The following COL22A1 variants were observed in gnomAD, a reference collection of about 807,000 sequenced individuals.
COL22A1 encodes the protein collagen alpha-1(XXII) chain.
Under a neutral mutation model 248.9 loss-of-function variants are expected in COL22A1, and 221 were observed. The ratio of observed to expected loss-of-function variants is 0.89; its 90% confidence interval spans 0.80 to 0.99. COL22A1 has a LOEUF of 0.99. Ranked by LOEUF, COL22A1 falls within the 50% of genes least tolerant of loss-of-function variation. The pLI is 0.00. For missense variants in COL22A1, 2,240 were observed against 2,179.0 expected (o/e 1.03, Z -0.56); for synonymous variants, 891 against 793.4 (o/e 1.12, Z -2.07).
At chr8:138,798,141 G>A (rs1321322727) in intron 11 of COL22A1, among the ~76,000 whole-genome samples, 1 of 147,804 alleles carries the variant, frequency 6.8e-6, no homozygotes, top group East Asian at 2.0e-4. Flanking sequence ...CAAATTTGTT[G>A]TTGTACAAAT....
At chr8:138,827,081 C>T (rs761633214) in intron 5 of COL22A1, 3 of 369,176 alleles carry the variant, frequency 8.1e-6, no homozygotes, top group South Asian at 3.1e-5. Flanking sequence ...ACAGTAAACG[C>T]TAAATGGTCA....
intron 39 of COL22A1, among the ~76,000 whole-genome samples, chr8:138,680,021 G>A (rs559463371): frequency 3.2e-4 from 49 of 152,238 alleles, no homozygotes; most frequent in Non-Finnish European, 5.0e-4. Context: ...GTCTGTTTAC[G>A]GTCCACTGTG....
At position 138,801,881 on chromosome 8, in the gene COL22A1, A is replaced by C. The variant is rs923390927; in HGVS notation, c.1557+991T>G. ...GGTGACAAGAGCAAGACTTTATCTC[A>C]AAAAAAAAAGGAAAGAAAGAAACCT... On this transcript the variant is annotated intron_variant, in intron 11 of 64. Transcript: ENST00000303045. Among the ~76,000 whole-genome samples, 7 of 76,438 alleles carry C rather than the reference A, an allele frequency of 9.2e-5. No individual in the cohort carries two copies. In the East Asian group the frequency reaches 1.3e-3, roughly 14 times the overall value. 50.1% of individuals were successfully genotyped at this position (76,438 alleles called of 152,430 possible).
chr8:138,868,575 TAATA>T (rs1034101271), intron 3 of COL22A1, among the ~76,000 whole-genome samples: 1 of 152,136 alleles, frequency 6.6e-6, no homozygotes, highest in Non-Finnish European at 1.5e-5. Context: ...TATATGTACA[TAATA>T]AATACACACT....
At chr8:138,621,972 T>C (rs1819845061) in intron 52 of COL22A1, among the ~76,000 whole-genome samples, 1 of 152,200 alleles carries the variant, frequency 6.6e-6, no homozygotes, top group South Asian at 2.1e-4. Context: ...TTTCTTTTGC[T>C]CTCAGCAATG....
chr8:138,889,944 G>C (rs1458385405), intron 1 of COL22A1, among the ~76,000 whole-genome samples: 1 of 152,100 alleles, frequency 6.6e-6, no homozygotes, highest in Non-Finnish European at 1.5e-5. Context: ...CAGAACTAAA[G>C]ACCAATATCC....
At chr8:138,904,361 G>A (rs891147863) in intron 1 of COL22A1, among the ~76,000 whole-genome samples, 2 of 151,072 alleles carry the variant, frequency 1.3e-5, no homozygotes, top group Non-Finnish European at 1.5e-5. Context: ...CTTACCACCC[G>A]CCACCCCCTG....
chr8:138,849,155 G>T (rs6984777), intron 3 of COL22A1, among the ~76,000 whole-genome samples: 2 of 152,184 alleles, frequency 1.3e-5, no homozygotes, highest in Non-Finnish European at 2.9e-5. Flanking sequence ...CAAGGATCAT[G>T]TTCATAAGGA....
In COL22A1 at chr8:138,811,791, G is replaced by T. The variant is rs771793100; in HGVS notation, c.1449+8C>A. The T allele has an allele frequency of 1.2e-5, 18 of 1,495,776 alleles. No homozygotes were observed. The highest frequency in any genetic ancestry group is 1.5e-5 in the Non-Finnish European group (17 of 1,106,318). 92.7% of individuals were successfully genotyped at this position (1,495,776 alleles called of 1,614,324 possible). A position where few individuals can be genotyped will look rare whatever the true frequency, so the allele number is the denominator to read the frequency against. On this transcript the variant is annotated splice_region_variant and intron_variant, in intron 9 of 64. Coordinates refer to ENST00000303045, the MANE Select transcript of COL22A1 (RefSeq NM_152888.3). ...CTGCTGGGGCTGAAGGTGGACTGCA[G>T]ACAATACCTTCTCTCCAGCTGGGCA...
At chr8:138,630,656 G>C in intron 50 of COL22A1, 39 bp downstream of exon 50, 1 of 1,588,888 alleles carries the variant, frequency 6.3e-7, no homozygotes, top group Non-Finnish European at 8.6e-7. Flanking sequence ...AAAGGCTAAA[G>C]ACAGATTAAA....
At chr8:138,634,644 A>G (rs1160354486) in intron 49 of COL22A1, among the ~76,000 whole-genome samples, 7 of 152,132 alleles carry the variant, frequency 4.6e-5, no homozygotes, top group African/African-American at 1.7e-4. Flanking sequence ...TCCCCATAAC[A>G]TGGGGAAAGC....
intron 35 of COL22A1, 148 bp from the exon 36 acceptor site, chr8:138,691,022 T>C (rs1826805348): frequency 1.7e-6 from 1 of 581,860 alleles, no homozygotes; most frequent in Non-Finnish European, 2.9e-6. Flanking sequence ...GTGAACCTCC[T>C]CTCCGGAGGG....
chr8:138,880,414 T>C (rs1824106483), intron 2 of COL22A1, among the ~76,000 whole-genome samples: 1 of 152,258 alleles, frequency 6.6e-6, no homozygotes, highest in Non-Finnish European at 1.5e-5. Context: ...TGCTTACCTC[T>C]GGCAAGCAGA....
At chr8:138,728,633 C>T (rs190337425) in intron 23 of COL22A1, among the ~76,000 whole-genome samples, 19 of 151,954 alleles carry the variant, frequency 1.3e-4, no homozygotes, top group African/African-American at 1.4e-4. Context: ...TCTCATAGCA[C>T]GTTAGAGGTG....
At chr8:138,603,845 CT>C (rs1420951044) in intron 59 of COL22A1, among the ~76,000 whole-genome samples, 7 of 152,158 alleles carry the variant, frequency 4.6e-5, no homozygotes, top group Non-Finnish European at 7.3e-5. Flanking sequence ...AAAAATGCGT[CT>C]TCCTCATTCA....
At chr8:138,703,488 C>A in intron 30 of COL22A1, 141 bp from the exon 31 acceptor site, 1 of 660,414 alleles carries the variant, frequency 1.5e-6, no homozygotes, top group Non-Finnish European at 2.7e-6. Context: ...CACCCTGCAC[C>A]TACCTTGATA....
rs551237180 is a variant in COL22A1 at position 138,879,983 on chromosome 8, C to T, written c.92-1667G>A. Among the ~76,000 whole-genome samples the T allele has an allele frequency of 5.3e-5, 8 of 152,326 alleles. No individual in the cohort carries two copies. The South Asian group carries it at 1.5e-3, about 28-fold the overall frequency. ...AGTGGCCATGGACTTGTCACACCCT[C>T]TCTCAGGGGCTTTGAAGTCTCATAA... On this transcript the variant is annotated intron_variant, in intron 2 of 64. Transcript: ENST00000303045.
chr8:138,656,071 T>C, intron 44 of COL22A1, 127 bp from the exon 45 acceptor site: 1 of 753,590 alleles, frequency 1.3e-6, no homozygotes, highest in Non-Finnish European at 2.3e-6. Flanking sequence ...GTGCGTGGGA[T>C]ACGGACAGCC....
chr8:138,822,236 G>C (rs972500567), intron 6 of COL22A1, among the ~76,000 whole-genome samples: 1 of 152,094 alleles, frequency 6.6e-6, no homozygotes, highest in African/African-American at 2.4e-5. Context: ...TTTTAGTAGA[G>C]ACAAGGTTTC....
Sources: allele counts gnomAD v4.1 joint callset (sites outside exome capture counted in the v4.1 genomes callset), GRCh38; gene constraint gnomAD v4.1.1; transcripts MANE v1.5; gene names NCBI Gene and HGNC (gene_info 2026-07-23, HGNC 2026-07-21).